PIP5K1B: variants seen among roughly 807,000 people sequenced by gnomAD.
PIP5K1B encodes the protein phosphatidylinositol-4-phosphate 5-kinase type 1 beta, also known as phosphatidylinositol 4-phosphate 5-kinase type-1 beta.
A neutral mutation model predicts 67.0 loss-of-function variants in PIP5K1B; 42 were observed. The observed-to-expected ratio is 0.63, with a 90% CI of 0.49 to 0.81. The LOEUF is 0.81. Ranked by LOEUF, PIP5K1B falls within the 30% of genes least tolerant of loss-of-function variation. The pLI is 0.00. For synonymous variants in PIP5K1B, 214 were observed against 231.4 expected (o/e 0.92, Z 0.68); for missense variants, 459 against 646.3 (o/e 0.71, Z 3.14).
At chr9:68,915,936 A>G (rs540246815) in intron 8 of PIP5K1B, among the ~76,000 whole-genome samples, 1 of 152,350 alleles carries the variant, frequency 6.6e-6, no homozygotes, top group Admixed American at 6.5e-5. Flanking sequence ...CTCAGGTGGC[A>G]TCCATGAAGT....
intron 6 of PIP5K1B, among the ~76,000 whole-genome samples, chr9:68,885,464 C>A (rs1423431823): frequency 2.0e-5 from 3 of 152,146 alleles, no homozygotes; most frequent in Non-Finnish European, 4.4e-5. Context: ...AATATTCTCA[C>A]CACAAGGAAG....
intron 12 of PIP5K1B, among the ~76,000 whole-genome samples, chr9:68,925,762 G>A (rs1826658222): frequency 7.3e-6 from 1 of 136,474 alleles, no homozygotes; most frequent in Non-Finnish European, 1.5e-5. Flanking sequence ...TATTGAGACT[G>A]CAAGCCTACA....
intron 4 of PIP5K1B, among the ~76,000 whole-genome samples, chr9:68,839,229 G>T (rs1821785809): frequency 6.6e-6 from 1 of 151,654 alleles, no homozygotes. Flanking sequence ...TTATATTTGG[G>T]CCTATGCTTC....
chr9:68,780,494 A>G, intron 2 of PIP5K1B: 2 of 1,614,202 alleles, frequency 1.2e-6, no homozygotes, highest in Non-Finnish European at 1.7e-6. Flanking sequence ...TGCAGACCGC[A>G]ATGCAGATAA....
intron 2 of PIP5K1B, chr9:68,788,560 A>G (rs1831768732): frequency 7.4e-6 from 2 of 269,894 alleles, no homozygotes; most frequent in South Asian, 3.9e-5. Flanking sequence ...CCACAGAACA[A>G]TGGTTCTGGT....
chr9:68,990,660 T>G (rs1389433845), intron 14 of PIP5K1B, among the ~76,000 whole-genome samples: 1 of 134,760 alleles, frequency 7.4e-6, no homozygotes, highest in East Asian at 2.4e-4. Context: ...CTAGTAAAAC[T>G]GAATACTATA....
At chr9:68,838,393 A>G (rs1821745128) in intron 4 of PIP5K1B, among the ~76,000 whole-genome samples, 1 of 152,212 alleles carries the variant, frequency 6.6e-6, no homozygotes, top group Non-Finnish European at 1.5e-5. Flanking sequence ...TGCCTCTTGT[A>G]CTGTTTCCAA....
chr9:68,996,626 C>T (rs971572525), intron 15 of PIP5K1B, among the ~76,000 whole-genome samples: 8 of 152,176 alleles, frequency 5.3e-5, no homozygotes, highest in African/African-American at 9.7e-5. Flanking sequence ...TCTAAGGCAC[C>T]GGATGCTGTC....
At chr9:68,755,678 A>ATTTT (rs1829890471) in intron 2 of PIP5K1B, among the ~76,000 whole-genome samples, 1 of 152,218 alleles carries the variant, frequency 6.6e-6, no homozygotes, top group Non-Finnish European at 1.5e-5. Flanking sequence ...CATTACAATC[A>ATTTT]CATGTGTTTT....
intron 13 of PIP5K1B, among the ~76,000 whole-genome samples, 188 bp downstream of exon 13, chr9:68,935,233 T>A (rs141669431): frequency 0.035 from 5,391 of 152,140 alleles, 145 homozygotes; most frequent in African/African-American, 0.079. Context: ...TTGGGAGGCC[T>A]AGGTGGGTGG....
At chr9:68,789,014 C>T (rs1399389733) in intron 2 of PIP5K1B, 2 of 395,558 alleles carry the variant, frequency 5.1e-6, no homozygotes, top group Non-Finnish European at 9.7e-6. Context: ...AGTGTAAGGT[C>T]TGGCATTCCA....
At chr9:68,727,561 G>A (rs758666788) in intron 1 of PIP5K1B, 4 of 152,096 alleles carry the variant, frequency 2.6e-5, no homozygotes, top group African/African-American at 9.7e-5. Flanking sequence ...GCTGATAAAC[G>A]CCTGACACTT....
At chr9:68,878,635 T>A (rs1214538001) in intron 6 of PIP5K1B, among the ~76,000 whole-genome samples, 1 of 152,050 alleles carries the variant, frequency 6.6e-6, no homozygotes, top group African/African-American at 2.4e-5. Flanking sequence ...TGTAGGGAAA[T>A]TCAAAAAACT....
chr9:68,866,404 C>CGT (rs963230917), intron 5 of PIP5K1B, among the ~76,000 whole-genome samples: 32 of 150,944 alleles, frequency 2.1e-4, no homozygotes, highest in African/African-American at 6.3e-4. Flanking sequence ...AAGTGATACA[C>CGT]GTGTGTGTGT....
In PIP5K1B at chr9:68,863,834, C is replaced by T. The variant is rs1454226642; in HGVS notation, c.70-3C>T. 2 of 1,613,036 alleles carry T rather than the reference C, an allele frequency of 1.2e-6. No homozygotes were observed. Among genetic ancestry groups the T allele is most frequent in the African/African-American group, 1.3e-5 (1 of 74,998 alleles). ...AATGTTGAGACCCTTGTTTTCTTTG[C>T]AGACTGCATCATCTGCTATTAAAGG... On this transcript the variant is annotated splice_polypyrimidine_tract_variant and splice_region_variant and intron_variant, in intron 4 of 15. Transcript: ENST00000265382.
chr9:68,724,375 G>A (rs887995958), intron 1 of PIP5K1B, among the ~76,000 whole-genome samples: 4 of 151,666 alleles, frequency 2.6e-5, no homozygotes, highest in African/African-American at 9.7e-5. Context: ...GCTATTTTCA[G>A]TCTTTTGTGG....
chr9:68,963,690 A>C (rs976328562), intron 14 of PIP5K1B, among the ~76,000 whole-genome samples: 6 of 152,172 alleles, frequency 3.9e-5, no homozygotes, highest in Admixed American at 6.5e-5. Context: ...TCCCCAGATC[A>C]GGGACCTTTA....
At chr9:68,804,361 C>T (rs776416180) in intron 2 of PIP5K1B, among the ~76,000 whole-genome samples, 3 of 152,114 alleles carry the variant, frequency 2.0e-5, no homozygotes, top group East Asian at 1.9e-4. Context: ...TGGGTATGGG[C>T]GTTCATAGTT....
chr9:68,893,522 C>G (rs1824915596), intron 7 of PIP5K1B, among the ~76,000 whole-genome samples: 1 of 151,860 alleles, frequency 6.6e-6, no homozygotes, highest in Admixed American at 6.6e-5. Flanking sequence ...TTAGTAGAGA[C>G]AGGGTTTCAC....
Sources: allele counts gnomAD v4.1 joint callset (sites outside exome capture counted in the v4.1 genomes callset), GRCh38; gene constraint gnomAD v4.1.1; transcripts MANE v1.5; gene names NCBI Gene and HGNC (gene_info 2026-07-23, HGNC 2026-07-21).